ERC2: variants seen among roughly 807,000 people sequenced by gnomAD.
ERC2 encodes ELKS/RAB6-interacting/CAST family member 2, also known as ERC protein 2.
ERC2 carries 42 observed loss-of-function variants against 114.8 expected under a neutral mutation model. The ratio of observed to expected loss-of-function variants is 0.37; its 90% confidence interval spans 0.29 to 0.47. ERC2 has a LOEUF of 0.47. ERC2 is among the 20% of genes least tolerant of loss of function. The probability of loss-of-function intolerance (pLI) is 0.99; values close to 1 mark genes in which losing one functional copy is unlikely to be tolerated. For synonymous variants in ERC2, 454 were observed against 425.5 expected (o/e 1.07, Z -0.82); for missense variants, 939 against 1,150.7 (o/e 0.82, Z 2.66).
intron 17 of ERC2, among the ~76,000 whole-genome samples, chr3:55,633,175 A>C (rs1391364001): frequency 6.6e-6 from 1 of 152,232 alleles, no homozygotes; most frequent in Non-Finnish European, 1.5e-5. Flanking sequence ...ATTTGCTGAA[A>C]AGATGCAAGA....
At chr3:56,334,312 G>A (rs546854033) in intron 2 of ERC2, among the ~76,000 whole-genome samples, 4 of 152,342 alleles carry the variant, frequency 2.6e-5, no homozygotes, top group East Asian at 3.9e-4. Context: ...GCAAGGGCTG[G>A]AGAAGTAGGC....
chr3:55,554,247 CAT>C (rs2055436000), intron 17 of ERC2, among the ~76,000 whole-genome samples: 1 of 152,130 alleles, frequency 6.6e-6, no homozygotes, highest in Non-Finnish European at 1.5e-5. Flanking sequence ...AAGTGAGACT[CAT>C]AGACTGAAAT....
At chr3:55,988,222 C>G (rs901030192) in intron 11 of ERC2, among the ~76,000 whole-genome samples, 1 of 152,308 alleles carries the variant, frequency 6.6e-6, no homozygotes, top group East Asian at 1.9e-4. Flanking sequence ...ATATACGTGA[C>G]ATCTGACATT....
intron 6 of ERC2, among the ~76,000 whole-genome samples, chr3:56,114,304 CCAG>C (rs1196117244): frequency 6.6e-6 from 1 of 152,122 alleles, no homozygotes; most frequent in Non-Finnish European, 1.5e-5. Context: ...TATAAACCAG[CCAG>C]AGGAAGTCCA....
chr3:55,894,040 G>C (rs1431173337), intron 13 of ERC2, among the ~76,000 whole-genome samples: 10 of 152,110 alleles, frequency 6.6e-5, no homozygotes, highest in Admixed American at 1.3e-4. Context: ...CTTAACACAA[G>C]AGGCGGAGCA....
At chr3:56,148,758 G>A (rs2081273029) in intron 5 of ERC2, among the ~76,000 whole-genome samples, 1 of 152,134 alleles carries the variant, frequency 6.6e-6, no homozygotes, top group Non-Finnish European at 1.5e-5. Context: ...ATTAAAGCCT[G>A]AACCTCTCAG....
In ERC2 at chr3:55,642,030, G is replaced by A. The variant is rs193293905; in HGVS notation, c.*39+41764C>T. 3.0e-4 allele frequency among the ~76,000 whole-genome samples: 45 copies of A among 152,316 alleles called. No individual in the cohort carries two copies. In the East Asian group the frequency reaches 8.3e-3, roughly 28 times the overall value. On this transcript the variant is annotated intron_variant, in intron 17 of 17. Transcript: ENST00000288221. ...TGCAATGTTCCCTTACTCCCAGGAA[G>A]GAGGAACCCTAGTGAGTAGACACTG... is the stretch of plus-strand genomic sequence containing the variant.
chr3:55,877,284 G>T (rs1448207813), intron 14 of ERC2, among the ~76,000 whole-genome samples: 1 of 152,062 alleles, frequency 6.6e-6, no homozygotes, highest in African/African-American at 2.4e-5. Flanking sequence ...AGGTTCCCCT[G>T]ATAGGTAAAA....
chr3:56,330,065 C>G (rs904885576), intron 2 of ERC2, among the ~76,000 whole-genome samples: 8 of 151,652 alleles, frequency 5.3e-5, no homozygotes, highest in African/African-American at 1.9e-4. Flanking sequence ...GAGGGTGTCT[C>G]TCTGTCACCC....
In ERC2 at chr3:55,615,424, T is replaced by C. The variant is rs560508432; in HGVS notation, c.*39+68370A>G. 1.2e-4 allele frequency among the ~76,000 whole-genome samples: 19 copies of C among 152,286 alleles called. No individual in the cohort carries two copies. In the East Asian group the frequency reaches 3.5e-3, roughly 28 times the overall value. On this transcript the variant is annotated intron_variant, in intron 17 of 17. Transcript: ENST00000288221. ...GAAACTCCAAGCTCTCCAAACGCCATTGCCCACTGCACAGCCCTCTTGTCC... is the reference window on the plus strand; with the variant it reads ...GAAACTCCAAGCTCTCCAAACGCCACTGCCCACTGCACAGCCCTCTTGTCC...
At position 55,699,403 on chromosome 3, in the gene ERC2, G is replaced by A. The variant is rs776070925; in HGVS notation, c.2822C>T (p.Ser941Phe). ...CTGGTCCGGAGAGGGCCTGTGATTG[G>A]AATGTTGCGACCTCCCAGGAGATCG... ...HHRSPGRSQH[S>F]NHRPSPDQDD... The change falls in exon 16 of 18, where the codon TCC (serine) becomes TTC (phenylalanine). Residue 941 changes from serine to phenylalanine, a missense_variant. Transcript: ENST00000288221. 12 of 1,613,816 alleles carry A rather than the reference G, an allele frequency of 7.4e-6. No homozygotes were observed. Among genetic ancestry groups the A allele is most frequent in the Admixed American group, 1.7e-5 (1 of 60,012 alleles).
At chr3:56,272,806 T>C (rs1560500174) in intron 3 of ERC2, among the ~76,000 whole-genome samples, 1 of 152,090 alleles carries the variant, frequency 6.6e-6, no homozygotes, top group Non-Finnish European at 1.5e-5. Context: ...TAAAAATGGG[T>C]AACTGCAGGA....
intron 2 of ERC2, among the ~76,000 whole-genome samples, chr3:56,354,596 C>G (rs2058674407): frequency 6.6e-6 from 1 of 152,106 alleles, no homozygotes; most frequent in Non-Finnish European, 1.5e-5. Flanking sequence ...CTGTAAAATG[C>G]TCTACTTCTC....
intron 2 of ERC2, among the ~76,000 whole-genome samples, chr3:56,302,698 T>C (rs1183142606): frequency 6.6e-6 from 1 of 152,232 alleles, no homozygotes; most frequent in African/African-American, 2.4e-5. Flanking sequence ...GGCATTCATT[T>C]CATCTTGTTA....
chr3:56,108,789 C>A (rs1043693475), intron 6 of ERC2, among the ~76,000 whole-genome samples: 11 of 152,060 alleles, frequency 7.2e-5, no homozygotes, highest in African/African-American at 2.4e-4. Context: ...TTGAAAGGAG[C>A]AATCTCTTAT....
At chr3:56,216,443 G>A (rs1349582840) in intron 3 of ERC2, among the ~76,000 whole-genome samples, 1 of 152,150 alleles carries the variant, frequency 6.6e-6, no homozygotes, top group Non-Finnish European at 1.5e-5. Context: ...ACCAAACCAG[G>A]AAGAAGTTGA....
chr3:56,320,822 C>A (rs112795104), intron 2 of ERC2, among the ~76,000 whole-genome samples: 156 of 152,208 alleles, frequency 1.0e-3, no homozygotes, highest in Middle Eastern at 3.4e-3. Context: ...AGTCAGGTAA[C>A]CTCCTTATAC....
intron 14 of ERC2, among the ~76,000 whole-genome samples, chr3:55,875,045 C>T (rs2062762743): frequency 6.6e-6 from 1 of 152,136 alleles, no homozygotes; most frequent in Non-Finnish European, 1.5e-5. Context: ...AGCAAGGGAT[C>T]CCCAGTGATG....
chr3:55,814,342 C>T (rs2059830930), intron 14 of ERC2, among the ~76,000 whole-genome samples: 1 of 152,142 alleles, frequency 6.6e-6, no homozygotes, highest in Non-Finnish European at 1.5e-5. Context: ...ACTCATTTTG[C>T]AGGTAAGAAA....
Sources: allele counts gnomAD v4.1 joint callset (sites outside exome capture counted in the v4.1 genomes callset), GRCh38; gene constraint gnomAD v4.1.1; transcripts MANE v1.5; gene names NCBI Gene and HGNC (gene_info 2026-07-23, HGNC 2026-07-21).